The following HIPK3 variants were observed in gnomAD, a reference collection of about 807,000 sequenced individuals.
HIPK3 encodes homeodomain interacting protein kinase 3.
HIPK3 carries 47 observed loss-of-function variants against 124.2 expected under a neutral mutation model. That is an observed-to-expected ratio of 0.38 (90% CI 0.30 to 0.48). The LOEUF is 0.48. Among genes scored for constraint, HIPK3 ranks in the 20% least tolerant of loss-of-function variants. The pLI is 0.98. For synonymous variants in HIPK3, 482 were observed against 515.2 expected (o/e 0.94, Z 0.87); for missense variants, 1,286 against 1,454.3 (o/e 0.88, Z 1.88).
At chr11:33,301,849 C>CACACACACACACACACACAG (rs2133927460) in intron 2 of HIPK3, among the ~76,000 whole-genome samples, 1 of 151,842 alleles carries the variant, frequency 6.6e-6, no homozygotes, top group African/African-American at 2.4e-5. Context: ...CACACACACA[C>CACACACACACACACACACAG]ACACACGAGT....
intron 2 of HIPK3, among the ~76,000 whole-genome samples, chr11:33,316,696 G>A (rs943681642): frequency 6.6e-6 from 1 of 152,032 alleles, no homozygotes; most frequent in Non-Finnish European, 1.5e-5. Flanking sequence ...GGTGGTGCAC[G>A]CCTGTAGTCC....
intron 8 of HIPK3, among the ~76,000 whole-genome samples, chr11:33,342,828 G>A (rs903937878): frequency 1.3e-5 from 2 of 152,170 alleles, no homozygotes; most frequent in African/African-American, 4.8e-5. Flanking sequence ...TTACAGGGGT[G>A]AGCCACCATA....
At chr11:33,307,455 G>A (rs1852196768) in intron 2 of HIPK3, among the ~76,000 whole-genome samples, 1 of 147,238 alleles carries the variant, frequency 6.8e-6, no homozygotes, top group Admixed American at 6.8e-5. Flanking sequence ...CTGGAGTGCA[G>A]TGGCGTGATC....
intron 1 of HIPK3, among the ~76,000 whole-genome samples, chr11:33,275,748 T>C (rs755076996): frequency 6.6e-5 from 10 of 152,246 alleles, no homozygotes. Flanking sequence ...TTAGTCTTTA[T>C]TGATTGAAGA....
chr11:33,287,193 G>A lies in HIPK3; in HGVS notation c.779G>A (p.Arg260Gln). ...AATGCTGATGAATATAACTTTGTAC[G>A]AGCTTATGAATGCTTTCAGCACCGT... Reference protein sequence around the residue: ...TENADEYNFVRAYECFQHRNH... With the variant: ...TENADEYNFVQAYECFQHRNH... Residue 260 changes from arginine to glutamine, a missense_variant, in exon 2 of 17, where the codon CGA (arginine) becomes CAA (glutamine). Coordinates refer to ENST00000303296, the MANE Select transcript of HIPK3 (RefSeq NM_005734.5). 3.7e-6 allele frequency: 6 copies of A among 1,614,118 alleles called. No homozygotes were observed. The highest frequency in any genetic ancestry group is 2.2e-5 in the East Asian group (1 of 44,888).
chr11:33,304,679 C>T (rs887265206), intron 2 of HIPK3, among the ~76,000 whole-genome samples: 1 of 152,168 alleles, frequency 6.6e-6, no homozygotes, highest in African/African-American at 2.4e-5. Flanking sequence ...TTACAAAATA[C>T]ATATTATGCT....
intron 3 of HIPK3, among the ~76,000 whole-genome samples, chr11:33,334,221 C>T (rs549214090): frequency 6.6e-6 from 1 of 151,980 alleles, no homozygotes; most frequent in Non-Finnish European, 1.5e-5. Context: ...ATTATAAATG[C>T]ATGTTCTAGG....
At chr11:33,334,956 G>C (rs942265224) in intron 3 of HIPK3, among the ~76,000 whole-genome samples, 3 of 152,182 alleles carry the variant, frequency 2.0e-5, no homozygotes, top group Non-Finnish European at 4.4e-5. Context: ...ATCTGAGGTA[G>C]GGATGGAGAG....
At chr11:33,310,281 T>TTTATCTATCTATCTATCTATCTATCTATC (rs1554965372) in intron 2 of HIPK3, among the ~76,000 whole-genome samples, 5 of 121,074 alleles carry the variant, frequency 4.1e-5, no homozygotes, top group African/African-American at 1.2e-4. Context: ...TCTGTCTATC[T>TTTATCTATCTATCTATCTATCTATCTATC]TATCTATCTA....
chr11:33,353,735 CAT>C lies in HIPK3; in HGVS notation c.*168_*169del. 1 of 587,884 alleles carries C rather than the reference CAT, an allele frequency of 1.7e-6. No individual in the cohort carries two copies. The highest frequency in any genetic ancestry group is 3.0e-6 in the Non-Finnish European group (1 of 332,280). 36.4% of individuals were successfully genotyped at this position (587,884 alleles called of 1,614,324 possible). A position where few individuals can be genotyped will look rare whatever the true frequency, so the allele number is the denominator to read the frequency against. On this transcript the variant is annotated 3_prime_UTR_variant, in exon 17 of 17. Transcript: ENST00000303296. Reference sequence around the variant, plus strand: ...AAACTCACTTTTGATGTGTTTTGCACATTTGGTATAACTTGTCTTTGGTCATG... The same window carrying C: ...AAACTCACTTTTGATGTGTTTTGCACTTGGTATAACTTGTCTTTGGTCATG...
chr11:33,315,526 T>C (rs1852476325), intron 2 of HIPK3, among the ~76,000 whole-genome samples: 1 of 152,076 alleles, frequency 6.6e-6, no homozygotes, highest in Non-Finnish European at 1.5e-5. Context: ...CGCCTGGCCT[T>C]AGCTAAGTTA....
rs531249648 is a variant in HIPK3, at chr11:33,322,220, C to T, written c.1098-6290C>T. On this transcript the variant is annotated intron_variant, in intron 2 of 16. Coordinates refer to ENST00000303296, the MANE Select transcript of HIPK3 (RefSeq NM_005734.5). ...TTCACCGTGTTAGCCAGGATGGTCTCGATCTCCTGACCTCGTGATCTGCCT... is the reference window on the plus strand; with the variant it reads ...TTCACCGTGTTAGCCAGGATGGTCTTGATCTCCTGACCTCGTGATCTGCCT... 1.2e-4 allele frequency among the ~76,000 whole-genome samples: 18 copies of T among 152,044 alleles called. No individual in the cohort carries two copies. The South Asian group carries it at 3.7e-3, about 32-fold the overall frequency.
intron 1 of HIPK3, among the ~76,000 whole-genome samples, chr11:33,262,274 C>T (rs1199541622): frequency 6.6e-6 from 1 of 152,170 alleles, no homozygotes; most frequent in Non-Finnish European, 1.5e-5. Context: ...TATTAGTGTG[C>T]TGCTTCTGTA....
rs779430699 is a variant in HIPK3, at chr11:33,286,776, G to GC, written c.367dup (p.Gln123ProfsTer10). On this transcript the variant is annotated frameshift_variant, in exon 2 of 17. Coordinates refer to ENST00000303296, the MANE Select transcript of HIPK3 (RefSeq NM_005734.5). LOFTEE classifies it high-confidence loss of function. Reference sequence around the variant, plus strand: ...CGAAACAGATTGCATTTCCTAGAAGGCCCCCAGCGATGTGGATTGAAGCGC... The same window carrying GC: ...CGAAACAGATTGCATTTCCTAGAAGGCCCCCCAGCGATGTGGATTGAAGCGC... 1.9e-6 allele frequency: 3 copies of GC among 1,614,058 alleles called. No homozygotes were observed. The South Asian group carries it at 3.3e-5, about 18-fold the overall frequency.
At chr11:33,307,981 A>G (rs560493793) in intron 2 of HIPK3, among the ~76,000 whole-genome samples, 1 of 152,166 alleles carries the variant, frequency 6.6e-6, no homozygotes, top group Non-Finnish European at 1.5e-5. Flanking sequence ...TTTGTGTCCT[A>G]TTTAAGAAGT....
chr11:33,335,400 G>A (rs1853112188), intron 3 of HIPK3, among the ~76,000 whole-genome samples: 1 of 152,146 alleles, frequency 6.6e-6, no homozygotes, highest in South Asian at 2.1e-4. Context: ...ATGGCGTCGT[G>A]GAAATTGAGC....
intron 2 of HIPK3, among the ~76,000 whole-genome samples, chr11:33,309,602 A>T (rs1287099953): frequency 2.0e-5 from 3 of 152,210 alleles, no homozygotes; most frequent in Non-Finnish European, 4.4e-5. Flanking sequence ...GCCACTTAGG[A>T]TCCATCTTGA....
At chr11:33,339,311 T>G (rs1853258549) in intron 5 of HIPK3, 39 bp from the exon 6 acceptor site, 3 of 1,499,706 alleles carry the variant, frequency 2.0e-6, no homozygotes, top group Non-Finnish European at 2.7e-6. Flanking sequence ...TCTCTGTGAC[T>G]TATTTTTACT....
intron 2 of HIPK3, among the ~76,000 whole-genome samples, chr11:33,317,900 C>A (rs1243079622): frequency 6.6e-6 from 1 of 152,200 alleles, no homozygotes; most frequent in Admixed American, 6.5e-5. Context: ...TCCTAACTGC[C>A]TCTGTAAAAA....
Sources: gnomAD v4.1 joint callset for allele counts (sites outside exome capture counted in the v4.1 genomes callset) on GRCh38, gnomAD v4.1.1 for gene constraint, MANE v1.5 for transcripts, NCBI Gene and HGNC (gene_info 2026-07-23, HGNC 2026-07-21) for gene names.